The following ARSG variants were observed in gnomAD, a reference collection of about 807,000 sequenced individuals.
ARSG encodes arylsulfatase G, also known as ASG.
ARSG carries 37 observed loss-of-function variants against 50.5 expected under a neutral mutation model. The ratio of observed to expected loss-of-function variants is 0.73; its 90% CI spans 0.56 to 0.96. The LOEUF is 0.96. Ranked by LOEUF, ARSG falls within the 50% of genes least tolerant of loss-of-function variation. The pLI, the probability that ARSG is intolerant of heterozygous loss-of-function variation, is 0.00. For synonymous variants in ARSG, 225 were observed against 254.6 expected, an observed-to-expected ratio of 0.88 and a Z score of 1.11; for missense variants, 629 against 675.3, an observed-to-expected ratio of 0.93 and a Z score of 0.76.
chr17:68,283,325 T>C (rs1823286654), intron 1 of ARSG, among the ~76,000 whole-genome samples: 1 of 150,334 alleles, frequency 6.7e-6, no homozygotes, highest in African/African-American at 2.5e-5. Flanking sequence ...TCAAGACCAT[T>C]CTGGCAAACA....
chr17:68,269,186 C>T, intron 1 of ARSG: 1 of 1,564,478 alleles, frequency 6.4e-7, no homozygotes, highest in Non-Finnish European at 8.6e-7. Context: ...GTAAAGTCTT[C>T]CCACGATGGC....
chr17:68,428,893 G>C, the ARSG span: 1 of 1,614,138 alleles, frequency 6.2e-7, no homozygotes, highest in Non-Finnish European at 8.5e-7. Context: ...ATATAAAGGT[G>C]TCCACTGGAT....
the ARSG span, among the ~76,000 whole-genome samples, chr17:68,450,385 C>T: frequency 6.6e-6 from 1 of 152,162 alleles, no homozygotes; most frequent in Non-Finnish European, 1.5e-5. Context: ...AAGAGTCGCT[C>T]CTCTGATTTA....
At chr17:68,350,523 C>T (rs1342233596) in intron 4 of ARSG, among the ~76,000 whole-genome samples, 2 of 151,912 alleles carry the variant, frequency 1.3e-5, no homozygotes, top group Non-Finnish European at 2.9e-5. Context: ...CGGTGGCTCA[C>T]ACCTGTAATC....
At chr17:68,396,452 G>A (rs2081254371) in intron 10 of ARSG, among the ~76,000 whole-genome samples, 1 of 152,210 alleles carries the variant, frequency 6.6e-6, no homozygotes, top group South Asian at 2.1e-4. Context: ...CAGGCCTCAT[G>A]GCCTTTCCTT....
intron 6 of ARSG, among the ~76,000 whole-genome samples, chr17:68,358,964 C>T (rs931906725): frequency 1.3e-5 from 2 of 152,112 alleles, no homozygotes; most frequent in Non-Finnish European, 2.9e-5. Flanking sequence ...GAGATCGAGA[C>T]CATCCTGGCT....
At chr17:68,345,297 C>T (rs935091918) in intron 3 of ARSG, among the ~76,000 whole-genome samples, 1 of 152,194 alleles carries the variant, frequency 6.6e-6, no homozygotes, top group Non-Finnish European at 1.5e-5. Flanking sequence ...CATAGTGAGA[C>T]TCTGTATCTA....
downstream of ARSG, chr17:68,421,722 C>T (rs752545850): frequency 6.2e-7 from 1 of 1,613,832 alleles, no homozygotes; most frequent in South Asian, 1.1e-5. Flanking sequence ...CTTGTTTTCT[C>T]CAAAACCACC....
chr17:68,345,534 C>T (rs144305837), intron 3 of ARSG, among the ~76,000 whole-genome samples: 5 of 152,310 alleles, frequency 3.3e-5, no homozygotes, highest in Non-Finnish European at 4.4e-5. Flanking sequence ...ACACCTTTTG[C>T]ACATCCTGGG....
intron 10 of ARSG, among the ~76,000 whole-genome samples, chr17:68,398,150 C>T (rs2081326119): frequency 6.6e-6 from 1 of 152,142 alleles, no homozygotes; most frequent in Admixed American, 6.5e-5. Flanking sequence ...CATATGTATG[C>T]ATATGCATGC....
In ARSG at chr17:68,379,003, C is replaced by T. The variant is rs1194292068; in HGVS notation, c.983-6061C>T. On this transcript the variant is annotated intron_variant, in intron 8 of 11. Transcript: ENST00000621439. ...AGGGATAAGGGACTCTGGCTGTTGG[C>T]CCTGGCTGGGGACAGGGCCTGCTGA... Among the ~76,000 whole-genome samples the T allele has an allele frequency of 2.0e-5, 3 of 152,074 alleles. No homozygotes were observed. The East Asian group carries it at 5.8e-4, about 29-fold the overall frequency.
At chr17:68,324,611 G>C (rs1191774684) in intron 2 of ARSG, among the ~76,000 whole-genome samples, 1 of 152,174 alleles carries the variant, frequency 6.6e-6, no homozygotes, top group Non-Finnish European at 1.5e-5. Flanking sequence ...GATGAGACAG[G>C]CCTTGGCATA....
At chr17:68,371,144 C>T (rs2079820528) in intron 8 of ARSG, among the ~76,000 whole-genome samples, 1 of 152,006 alleles carries the variant, frequency 6.6e-6, no homozygotes, top group African/African-American at 2.4e-5. Context: ...CACGGTGAAA[C>T]CCCATCTCTA....
exon 1 of ARSG, chr17:68,259,422 G>A (rs1299161998): frequency 1.3e-5 from 2 of 152,232 alleles, no homozygotes; most frequent in African/African-American, 4.8e-5. Flanking sequence ...GACGGCAGCA[G>A]AGCAGTGAGT....
At chr17:68,387,686 C>T (rs1400331189) in intron 9 of ARSG, among the ~76,000 whole-genome samples, 3 of 152,142 alleles carry the variant, frequency 2.0e-5, no homozygotes, top group Non-Finnish European at 4.4e-5. Flanking sequence ...CAGCCCGGCA[C>T]CCTCCGCCCA....
At chr17:68,379,944 A>G in intron 8 of ARSG, 3 of 842,526 alleles carry the variant, frequency 3.6e-6, no homozygotes, top group Non-Finnish European at 2.9e-6. Flanking sequence ...CAGCCCTGTG[A>G]GATACGTACA....
intron 2 of ARSG, among the ~76,000 whole-genome samples, chr17:68,328,517 C>G (rs2075399406): frequency 6.6e-6 from 1 of 152,132 alleles, no homozygotes; most frequent in Admixed American, 6.6e-5. Context: ...CTTTGTATTT[C>G]TCAGATAGGG....
chr17:68,427,253 G>A (rs991564265), downstream of ARSG: 2 of 1,611,434 alleles, frequency 1.2e-6, no homozygotes, highest in African/African-American at 1.3e-5. Flanking sequence ...AGCCAAGCAA[G>A]CTACTTGTGA....
rs781954164 is a variant in ARSG at position 68,271,694 on chromosome 17, A to G, written c.-552+12268A>G. On this transcript the variant is annotated intron_variant, in intron 1 of 11. Coordinates refer to the ARSG transcript ENST00000448504. This position sits in a 1 kb window ranked among gnomAD's most constrained non-coding sequence, Gnocchi z 5.3. ...AGTGAAGAAGAAATAATATAAGGTC[A>G]ATAATGGACTCAAGACCCAGGAGAA... 7.2e-6 allele frequency: 11 copies of G among 1,527,864 alleles called. 1 individual carries two copies. In the South Asian group the frequency reaches 1.3e-4, roughly 18 times the overall value. 94.6% of individuals were successfully genotyped at this position (1,527,864 alleles called of 1,614,324 possible).
Sources: gnomAD v4.1 joint callset for allele counts (sites outside exome capture counted in the v4.1 genomes callset) on GRCh38, gnomAD v4.1.1 for gene constraint, Gnocchi (gnomAD v3.1) non-coding constraint, MANE v1.5 for transcripts, NCBI Gene and HGNC (gene_info 2026-07-23, HGNC 2026-07-21) for gene names.